MACROD2: variants seen among roughly 807,000 people sequenced by gnomAD.
The protein encoded by MACROD2 is ADP-ribose glycohydrolase MACROD2.
Under a neutral mutation model 70.4 loss-of-function variants are expected in MACROD2, and 36 were observed. The observed-to-expected ratio is 0.51, with a 90% confidence interval of 0.39 to 0.68. The LOEUF (loss-of-function observed/expected upper bound fraction) is 0.68, where lower values mean the gene tolerates loss of function less well. Ranked by LOEUF, MACROD2 falls within the 30% of genes least tolerant of loss-of-function variation. The pLI is 0.00. For missense variants in MACROD2, 496 were observed against 538.4 expected (o/e 0.92, Z 0.78); for synonymous variants, 172 against 178.8 (o/e 0.96, Z 0.30).
chr20:15,854,740 A>G (rs2064338572), intron 8 of MACROD2, among the ~76,000 whole-genome samples: 1 of 152,120 alleles, frequency 6.6e-6, no homozygotes, highest in Admixed American at 6.5e-5. Context: ...CTTGTTCTTA[A>G]TTAATCTGTA....
chr20:14,181,659 G>A (rs1028883961), intron 3 of MACROD2, among the ~76,000 whole-genome samples: 3 of 150,952 alleles, frequency 2.0e-5, no homozygotes, highest in Middle Eastern at 3.4e-3. Flanking sequence ...CCTCCAGCTC[G>A]TAGCAGTCAC....
chr20:14,727,626 T>C (rs879707962), intron 5 of MACROD2, among the ~76,000 whole-genome samples: 2 of 152,180 alleles, frequency 1.3e-5, no homozygotes, highest in Admixed American at 1.3e-4. Context: ...TTCAGTCTCA[T>C]TTGCTGTTAC....
intron 5 of MACROD2, among the ~76,000 whole-genome samples, chr20:14,978,894 TTATATAATATATTATATATAATATATATC>T (rs1568909354): frequency 3.6e-3 from 17 of 4,676 alleles, no homozygotes; most frequent in Non-Finnish European, 3.8e-3. Flanking sequence ...AATATATATA[TTATATAATATATTATATATAATATATATC>T]ATAATATATA....
intron 9 of MACROD2, among the ~76,000 whole-genome samples, chr20:15,883,045 A>G (rs2064777597): frequency 6.6e-6 from 1 of 151,908 alleles, no homozygotes; most frequent in Non-Finnish European, 1.5e-5. Flanking sequence ...AAAAAAACAA[A>G]CAAACAAAAC....
intron 4 of MACROD2, among the ~76,000 whole-genome samples, chr20:14,627,502 C>T (rs979892641): frequency 2.0e-5 from 3 of 152,118 alleles, no homozygotes; most frequent in Non-Finnish European, 4.4e-5. Flanking sequence ...AGTTCAATCC[C>T]GTTTCTCTCA....
At chr20:16,042,673 C>A (rs2067323288) in intron 16 of MACROD2, among the ~76,000 whole-genome samples, 1 of 152,044 alleles carries the variant, frequency 6.6e-6, no homozygotes, top group Non-Finnish European at 1.5e-5. Flanking sequence ...ATCCTGCACA[C>A]TCCCACACTG....
At chr20:15,689,150 A>G (rs910006721) in intron 8 of MACROD2, among the ~76,000 whole-genome samples, 5 of 152,178 alleles carry the variant, frequency 3.3e-5, no homozygotes, top group Admixed American at 1.3e-4. Flanking sequence ...CTAAAAATAC[A>G]AAAATTAGCT....
At chr20:15,444,398 A>T (rs2046535092) in intron 7 of MACROD2, among the ~76,000 whole-genome samples, 1 of 152,128 alleles carries the variant, frequency 6.6e-6, no homozygotes, top group African/African-American at 2.4e-5. Context: ...ACGCACTATA[A>T]ATGTAAAACA....
At chr20:14,464,453 C>CT (rs539376947) in intron 3 of MACROD2, among the ~76,000 whole-genome samples, 110 of 152,132 alleles carry the variant, frequency 7.2e-4, no homozygotes, top group Non-Finnish European at 1.1e-3. Flanking sequence ...TGCTAGCGGT[C>CT]TATCAATTTT....
chr20:14,994,557 C>A (rs944024416), intron 5 of MACROD2, among the ~76,000 whole-genome samples: 3 of 151,908 alleles, frequency 2.0e-5, no homozygotes, highest in Admixed American at 6.6e-5. Flanking sequence ...GAGTTTGAAA[C>A]CAGCCTGGGC....
intron 5 of MACROD2, among the ~76,000 whole-genome samples, chr20:15,062,123 C>A (rs754602301): frequency 2.0e-5 from 3 of 152,072 alleles, no homozygotes; most frequent in African/African-American, 7.2e-5. Context: ...GGGAGTGCTT[C>A]TAGTGGAAAG....
chr20:15,994,082 AC>A (rs2066595621), intron 15 of MACROD2, among the ~76,000 whole-genome samples: 1 of 152,182 alleles, frequency 6.6e-6, no homozygotes, highest in Non-Finnish European at 1.5e-5. Context: ...TAACCTGTTT[AC>A]CACCTCACTT....
chr20:14,471,598 C>G (rs2084531494), intron 3 of MACROD2, among the ~76,000 whole-genome samples: 1 of 152,108 alleles, frequency 6.6e-6, no homozygotes, highest in Admixed American at 6.5e-5. Flanking sequence ...TATGGTGCAA[C>G]ATTCTAAGCA....
At chr20:15,524,613 C>A (rs2047697537) in intron 8 of MACROD2, among the ~76,000 whole-genome samples, 1 of 152,054 alleles carries the variant, frequency 6.6e-6, no homozygotes, top group African/African-American at 2.4e-5. Flanking sequence ...TCTTGATCTT[C>A]CTGTTAGGAG....
chr20:15,811,383 A>G (rs1043669787), intron 8 of MACROD2, among the ~76,000 whole-genome samples: 5 of 152,058 alleles, frequency 3.3e-5, no homozygotes, highest in Non-Finnish European at 5.9e-5. Context: ...CAAAACCACA[A>G]TGAGATACCA....
chr20:15,124,274 A>G (rs957464404), intron 5 of MACROD2, among the ~76,000 whole-genome samples: 6 of 151,898 alleles, frequency 4.0e-5, no homozygotes, highest in African/African-American at 1.4e-4. Context: ...TTTATACTAT[A>G]GGAAAGTAAG....
intron 5 of MACROD2, among the ~76,000 whole-genome samples, chr20:15,126,645 T>G (rs1400518557): frequency 6.6e-6 from 1 of 152,044 alleles, no homozygotes; most frequent in African/African-American, 2.4e-5. Flanking sequence ...TATTGTTCAT[T>G]AAGAGTCTTC....
chr20:15,946,771 G>C (rs1404795412), intron 12 of MACROD2, among the ~76,000 whole-genome samples: 2 of 152,114 alleles, frequency 1.3e-5, no homozygotes, highest in Non-Finnish European at 2.9e-5. Context: ...AAAGAAAAGT[G>C]GGCCCAGGGG....
rs77024649 is a variant in MACROD2 at position 14,541,685 on chromosome 20, G to A, written c.301+48177G>A. On this transcript the variant is annotated intron_variant, in intron 4 of 17. Coordinates refer to ENST00000684519, the MANE Select transcript of MACROD2 (RefSeq NM_001351661.2). ...GAGAGGGAATGGTGTCTATAAAACC[G>A]CCGGTATTATCAGATTCATTTTGTG... 6.6e-3 allele frequency among the ~76,000 whole-genome samples: 1,001 copies of A among 152,056 alleles called. 11 individuals carry two copies. Among genetic ancestry groups the A allele is most frequent in the African/African-American group, 0.023 (960 of 41,502 alleles).
Sources: gnomAD v4.1 joint callset for allele counts (sites outside exome capture counted in the v4.1 genomes callset) on GRCh38, gnomAD v4.1.1 for gene constraint, MANE v1.5 for transcripts, NCBI Gene and HGNC (gene_info 2026-07-23, HGNC 2026-07-21) for gene names.